The following IL1RAP variants were observed in gnomAD, a reference collection of about 807,000 sequenced individuals.
IL1RAP encodes interleukin 1 receptor accessory protein.
Under a neutral mutation model 60.7 loss-of-function variants are expected in IL1RAP, and 35 were observed. The observed-to-expected ratio is 0.58, with a 90% CI of 0.44 to 0.76. IL1RAP has a LOEUF of 0.76. Among genes scored for constraint, IL1RAP ranks in the 30% least tolerant of loss-of-function variants. The probability of loss-of-function intolerance (pLI) is 0.00; values close to 1 mark genes in which losing one functional copy is unlikely to be tolerated. For missense variants in IL1RAP, 572 were observed against 693.9 expected (o/e 0.82, Z 1.97); for synonymous variants, 268 against 250.9 (o/e 1.07, Z -0.64).
intron 6 of IL1RAP, among the ~76,000 whole-genome samples, chr3:190,621,822 T>A (rs9866258): frequency 0.19 from 28,437 of 150,160 alleles, 3,518 homozygotes; most frequent in African/African-American, 0.31. Flanking sequence ...GCTTTTGCAT[T>A]TTTATATGGT....
intron 1 of IL1RAP, among the ~76,000 whole-genome samples, chr3:190,514,866 ACAGGGTGCCCCT>A (rs3836449): frequency 0.021 from 3,224 of 152,024 alleles, 66 homozygotes; most frequent in East Asian, 0.11. Flanking sequence ...CCTGTGGGGC[ACAGGGTGCCCCT>A]CACTTGGGAA....
At position 190,645,770 on chromosome 3, in the gene IL1RAP, C is replaced by T; in HGVS notation, c.1273C>T (p.Leu425Phe). 6.2e-7 allele frequency: 1 copy of T among 1,613,254 alleles called. No homozygotes were observed. Among genetic ancestry groups the T allele is most frequent in the Non-Finnish European group, 8.5e-7 (1 of 1,179,284 alleles). Residue 425 changes from leucine (L) to phenylalanine (F), a missense_variant, in exon 11 of 12, where the codon CTC (leucine) becomes TTC (phenylalanine). By Grantham distance (22) the Leu-to-Phe change is conservative. Coordinates refer to ENST00000447382, the MANE Select transcript of IL1RAP (RefSeq NM_002182.4). ...AEEEEFVLLT[L>F]RGVLENEFGY... ...AGAAGAAGAATTTGTATTACTGACCCTCCGTGGAGTTTTGGAGAATGAATT... is the reference window on the plus strand; with the variant it reads ...AGAAGAAGAATTTGTATTACTGACCTTCCGTGGAGTTTTGGAGAATGAATT...
Position 190,649,180 on chromosome 3 carries a change from G to A in IL1RAP, c.*475G>A. ...GGCCTACATTTTAGCTGAGGATAAT[G>A]AACTTTTTTCCTCATTCGGCTGTAT... On this transcript the variant is annotated 3_prime_UTR_variant, in exon 12 of 12. Coordinates refer to ENST00000447382, the MANE Select transcript of IL1RAP (RefSeq NM_002182.4). 1 of 987,246 alleles carries A rather than the reference G, an allele frequency of 1.0e-6. No homozygotes were observed. Among genetic ancestry groups the A allele is most frequent in the Non-Finnish European group, 1.2e-6 (1 of 831,248 alleles). 61.2% of individuals were successfully genotyped at this position (987,246 alleles called of 1,614,324 possible). A position where few individuals can be genotyped will look rare whatever the true frequency, so the allele number is the denominator to read the frequency against.
At chr3:190,562,566 A>T (rs1034358003) in intron 2 of IL1RAP, among the ~76,000 whole-genome samples, 1 of 152,084 alleles carries the variant, frequency 6.6e-6, no homozygotes, top group African/African-American at 2.4e-5. Flanking sequence ...CATTTTGCCC[A>T]TGAGAGGCTT....
At chr3:190,624,750 A>G (rs933481889) in intron 7 of IL1RAP, 1 of 193,648 alleles carries the variant, frequency 5.2e-6, no homozygotes, top group Admixed American at 5.1e-5. Context: ...GTCAGTGGGG[A>G]GTATGTAGGA....
chr3:190,538,392 C>T (rs1429141114), intron 1 of IL1RAP, among the ~76,000 whole-genome samples: 4 of 152,184 alleles, frequency 2.6e-5, no homozygotes, highest in Non-Finnish European at 5.9e-5. Flanking sequence ...TCCAACTTTG[C>T]CTTCACTTGG....
At chr3:190,561,225 T>G (rs777267984) in intron 2 of IL1RAP, among the ~76,000 whole-genome samples, 9 of 152,156 alleles carry the variant, frequency 5.9e-5, no homozygotes, top group Non-Finnish European at 1.2e-4. Flanking sequence ...GTATTACTCT[T>G]TACGATAATA....
chr3:190,648,946 A>G lies in IL1RAP; in HGVS notation c.*241A>G, dbSNP rs1560245924. The stretch of plus-strand genomic sequence containing the variant: ...GATGCCACTATGTTCTTTGCAGGCA[A>G]AGACTTGTTCAATGCGAATTTCCCC... On this transcript the variant is annotated 3_prime_UTR_variant, in exon 12 of 12. Coordinates refer to ENST00000447382, the MANE Select transcript of IL1RAP (RefSeq NM_002182.4). 3.9e-6 allele frequency: 5 copies of G among 1,271,944 alleles called. No individual in the cohort carries two copies. Among genetic ancestry groups the G allele is most frequent in the Non-Finnish European group, 5.0e-6 (5 of 1,007,634 alleles). The allele number at this position is 1,271,944 out of a possible 1,614,324, so 78.8% of individuals were successfully genotyped here.
intron 1 of IL1RAP, among the ~76,000 whole-genome samples, chr3:190,551,595 T>C (rs1724871370): frequency 6.6e-6 from 1 of 152,228 alleles, no homozygotes; most frequent in Admixed American, 6.5e-5. Context: ...CAGTTCAGTC[T>C]GTTTAGTTCT....
chr3:190,643,299 A>T (rs912695263), intron 9 of IL1RAP, among the ~76,000 whole-genome samples: 4 of 152,226 alleles, frequency 2.6e-5, no homozygotes, highest in Admixed American at 2.0e-4. Context: ...AACTAAAAAG[A>T]GAAAGGACTT....
intron 1 of IL1RAP, among the ~76,000 whole-genome samples, chr3:190,524,508 A>G (rs1722343374): frequency 6.6e-6 from 1 of 152,248 alleles, no homozygotes; most frequent in South Asian, 2.1e-4. Context: ...ATTTTTACGT[A>G]TGATGTAAGG....
At chr3:190,533,348 T>C (rs1309740929) in intron 1 of IL1RAP, among the ~76,000 whole-genome samples, 2 of 152,188 alleles carry the variant, frequency 1.3e-5, no homozygotes, top group East Asian at 3.8e-4. Context: ...GATTTGAATA[T>C]TGGAAAAAGG....
intron 1 of IL1RAP, among the ~76,000 whole-genome samples, chr3:190,526,665 G>C (rs560210163): frequency 6.6e-6 from 1 of 152,314 alleles, no homozygotes; most frequent in South Asian, 2.1e-4. Flanking sequence ...TACATGAAGT[G>C]TGCATGTAAA....
At chr3:190,603,468 A>G (rs796145318) in intron 3 of IL1RAP, among the ~76,000 whole-genome samples, 3 of 152,340 alleles carry the variant, frequency 2.0e-5, no homozygotes, top group African/African-American at 7.2e-5. Context: ...AGTAGACAGT[A>G]GACATATGTG....
chr3:190,656,826 G>A, exon 12 of IL1RAP: 1 of 440,814 alleles, frequency 2.3e-6, no homozygotes, highest in Non-Finnish European at 4.0e-6. Flanking sequence ...ACTCTTCTTG[G>A]GCCCTAGAAG....
In IL1RAP at chr3:190,569,993, C is replaced by A. The variant is rs3773975; in HGVS notation, c.64+5640C>A. 6.6e-5 allele frequency among the ~76,000 whole-genome samples: 10 copies of A among 152,302 alleles called. No homozygotes were observed. In the East Asian group the frequency reaches 1.9e-3, roughly 29 times the overall value. ...AGATTGCCACCTTAGCAGTGACTCA[C>A]TACCAAGACCAGTTTCTACCCACTT... On this transcript the variant is annotated intron_variant, in intron 3 of 11. Transcript: ENST00000447382.
chr3:190,649,589 A>G lies in IL1RAP; in HGVS notation c.*884A>G. ...TCTGACTCATGAAAAGAGCACAGAAAAGGATGTTTGGCAATTTGTCTTTTA... is the reference window on the plus strand; with the variant it reads ...TCTGACTCATGAAAAGAGCACAGAAGAGGATGTTTGGCAATTTGTCTTTTA... On this transcript the variant is annotated 3_prime_UTR_variant, in exon 12 of 12. Transcript: ENST00000447382. 2 of 985,864 alleles carry G rather than the reference A, an allele frequency of 2.0e-6. No homozygotes were observed. Among genetic ancestry groups the G allele is most frequent in the Non-Finnish European group, 2.4e-6 (2 of 829,926 alleles). 61.1% of individuals were successfully genotyped at this position (985,864 alleles called of 1,614,324 possible).
chr3:190,577,781 G>A (rs1360301370), intron 3 of IL1RAP, among the ~76,000 whole-genome samples: 1 of 152,096 alleles, frequency 6.6e-6, no homozygotes, highest in Non-Finnish European at 1.5e-5. Flanking sequence ...ATCCTCCTGA[G>A]TGATCTTCTT....
chr3:190,597,864 A>T (rs891448446), intron 3 of IL1RAP, among the ~76,000 whole-genome samples: 1 of 152,146 alleles, frequency 6.6e-6, no homozygotes, highest in Non-Finnish European at 1.5e-5. Flanking sequence ...AAAAATCTAC[A>T]TGTCGCTCAT....
Sources: gnomAD v4.1 joint callset for allele counts (sites outside exome capture counted in the v4.1 genomes callset) on GRCh38, gnomAD v4.1.1 for gene constraint, MANE v1.5 for transcripts, NCBI Gene and HGNC (gene_info 2026-07-23, HGNC 2026-07-21) for gene names.